The following GREM2 variants were observed in gnomAD, a reference collection of about 807,000 sequenced individuals.
GREM2 encodes the protein gremlin-2.
Under a neutral mutation model 14.2 loss-of-function variants are expected in GREM2, and 11 were observed. The observed-to-expected ratio is 0.78, with a 90% CI of 0.49 to 1.28. The LOEUF is 1.28. Ranked by LOEUF, GREM2 falls within the 50% of genes most tolerant of loss-of-function variation. GREM2 has a pLI of 0.00. For missense variants in GREM2, 210 were observed against 218.5 expected, an observed-to-expected ratio of 0.96 and a Z score of 0.24; for synonymous variants, 98 against 97.6, an observed-to-expected ratio of 1.00 and a Z score of -0.02.
At chr1:240,605,035 A>G (rs917283194) in intron 1 of GREM2, among the ~76,000 whole-genome samples, 9 of 152,010 alleles carry the variant, frequency 5.9e-5, no homozygotes, top group African/African-American at 2.2e-4. Context: ...GTTCTCCTCT[A>G]CCTTTGCCTC....
At chr1:240,506,458 C>A (rs1677678562) in intron 1 of GREM2, among the ~76,000 whole-genome samples, 1 of 152,100 alleles carries the variant, frequency 6.6e-6, no homozygotes, top group Admixed American at 6.5e-5. Context: ...GCTTTATTGA[C>A]AACTGATGCT....
intron 1 of GREM2, among the ~76,000 whole-genome samples, chr1:240,609,599 T>A (rs1049308088): frequency 6.6e-6 from 1 of 152,154 alleles, no homozygotes; most frequent in African/African-American, 2.4e-5. Flanking sequence ...GAAATAATTC[T>A]TTTTTGTCCG....
intron 1 of GREM2, among the ~76,000 whole-genome samples, chr1:240,493,932 G>A (rs1431482998): frequency 6.6e-6 from 1 of 152,278 alleles, no homozygotes; most frequent in African/African-American, 2.4e-5. Flanking sequence ...TGGTACAAGT[G>A]TAGGCAGTTA....
rs576534864 is a variant in GREM2 at position 240,596,379 on chromosome 1, T to C, written c.-2+15505A>G. Among the ~76,000 whole-genome samples, 45 of 152,288 alleles carry C rather than the reference T, an allele frequency of 3.0e-4. No individual in the cohort carries two copies. In the South Asian group the frequency reaches 8.1e-3, roughly 27 times the overall value. ...ATGACTATGGACCAAAGGTCATTCA[T>C]TGGTGTATGCAATCACCCTATAAAA... On this transcript the variant is annotated intron_variant, in intron 1 of 1. Coordinates refer to ENST00000318160, the MANE Select transcript of GREM2 (RefSeq NM_022469.4).
rs536573897 is a variant in GREM2, at chr1:240,590,503, C to T, written c.-2+21381G>A. On this transcript the variant is annotated intron_variant, in intron 1 of 1. Transcript: ENST00000318160. ...GGAATGTAATGGGGCGATCCTGGCT[C>T]ACTGCAACCTCTGCCTCCTGGGTTC... 6.6e-5 allele frequency among the ~76,000 whole-genome samples: 10 copies of T among 150,460 alleles called. No homozygotes were observed. In the South Asian group the frequency reaches 2.1e-3, roughly 31 times the overall value.
At chr1:240,510,401 C>CAAAAAAAAA (rs1553272787) in intron 1 of GREM2, among the ~76,000 whole-genome samples, 3 of 72,664 alleles carry the variant, frequency 4.1e-5, no homozygotes, top group Admixed American at 2.9e-4. Flanking sequence ...AAAAAAAAAT[C>CAAAAAAAAA]AAATGGTATC....
intron 1 of GREM2, among the ~76,000 whole-genome samples, chr1:240,583,821 C>G (rs966086080): frequency 6.6e-6 from 1 of 152,106 alleles, no homozygotes; most frequent in Non-Finnish European, 1.5e-5. Context: ...CCAGGATGGT[C>G]TCAATCTCTT....
chr1:240,578,274 T>C (rs1281680016), intron 1 of GREM2, among the ~76,000 whole-genome samples: 3 of 151,964 alleles, frequency 2.0e-5, no homozygotes, highest in African/African-American at 2.4e-5. Flanking sequence ...TACAGGCGCC[T>C]GCCACCATGC....
At chr1:240,510,893 G>A (rs1032932030) in intron 1 of GREM2, among the ~76,000 whole-genome samples, 6 of 152,082 alleles carry the variant, frequency 3.9e-5, no homozygotes, top group East Asian at 1.9e-4. Flanking sequence ...TTTAAAAAAC[G>A]TAATCCTTTT....
intron 1 of GREM2, among the ~76,000 whole-genome samples, chr1:240,544,217 G>A (rs975888256): frequency 1.6e-4 from 23 of 148,282 alleles, no homozygotes; most frequent in South Asian, 2.1e-4. Context: ...GCGCAATCTC[G>A]GCTCACTGTA....
intron 1 of GREM2, among the ~76,000 whole-genome samples, chr1:240,544,994 C>T (rs1053439796): frequency 1.3e-5 from 2 of 152,292 alleles, no homozygotes; most frequent in Admixed American, 1.3e-4. Context: ...GGTCCTCCAC[C>T]TAGTTTCCTG....
At chr1:240,607,327 AT>A (rs11294379) in intron 1 of GREM2, among the ~76,000 whole-genome samples, 2,763 of 150,916 alleles carry the variant, frequency 0.018, 77 homozygotes, top group African/African-American at 0.059. Flanking sequence ...CTTAGGTTAA[AT>A]TTTTTTTTTC....
chr1:240,611,754 G>A (rs573038298), intron 1 of GREM2, 130 bp downstream of exon 1: 16 of 152,702 alleles, frequency 1.0e-4, no homozygotes, highest in African/African-American at 3.9e-4. Context: ...TGAAACCGGC[G>A]AGACGTCCAC....
chr1:240,531,086 TG>T (rs1389675575), intron 1 of GREM2, among the ~76,000 whole-genome samples: 1 of 152,206 alleles, frequency 6.6e-6, no homozygotes, highest in African/African-American at 2.4e-5. Flanking sequence ...TTGGGATAAT[TG>T]AACTTATTGC....
intron 1 of GREM2, among the ~76,000 whole-genome samples, chr1:240,515,568 C>T (rs950238684): frequency 3.5e-4 from 54 of 152,204 alleles, no homozygotes; most frequent in African/African-American, 1.3e-3. Flanking sequence ...TGGGAGGGCA[C>T]TTTTGAGATT....
chr1:240,562,979 T>C (rs1679091013), intron 1 of GREM2, among the ~76,000 whole-genome samples: 1 of 145,584 alleles, frequency 6.9e-6, no homozygotes, highest in African/African-American at 2.7e-5. Context: ...TATGTGTGTA[T>C]ATGTAAGTGT....
At chr1:240,562,882 GTGTATGAGTGTGTATGTGTGTA>G (rs1679080041) in intron 1 of GREM2, among the ~76,000 whole-genome samples, 1 of 151,034 alleles carries the variant, frequency 6.6e-6, no homozygotes, top group African/African-American at 2.4e-5. Context: ...GTGTGTATGT[GTGTATGAGTGTGTATGTGTGTA>G]TGTATGTCTG....
intron 1 of GREM2, among the ~76,000 whole-genome samples, chr1:240,541,982 A>G (rs1293001324): frequency 3.3e-5 from 5 of 152,150 alleles, no homozygotes; most frequent in African/African-American, 1.2e-4. Context: ...GGGAGAGGAA[A>G]TGATATATTG....
At chr1:240,561,403 C>T (rs1336803737) in intron 1 of GREM2, among the ~76,000 whole-genome samples, 1 of 151,944 alleles carries the variant, frequency 6.6e-6, no homozygotes, top group Non-Finnish European at 1.5e-5. Flanking sequence ...TAAACTTTGC[C>T]GAATTCCAAT....
Sources: allele counts gnomAD v4.1 joint callset (sites outside exome capture counted in the v4.1 genomes callset), GRCh38; gene constraint gnomAD v4.1.1; transcripts MANE v1.5; gene names NCBI Gene and HGNC (gene_info 2026-07-23, HGNC 2026-07-21).